GRID2: variants seen among roughly 807,000 people sequenced by gnomAD.
GRID2 encodes the protein glutamate ionotropic receptor delta type subunit 2.
Under a neutral mutation model 114.8 loss-of-function variants are expected in GRID2, and 33 were observed. The ratio of observed to expected loss-of-function variants is 0.29; its 90% CI spans 0.22 to 0.38. The LOEUF is 0.38. GRID2 is among the 10% of genes least tolerant of loss of function. The pLI, the probability that GRID2 is intolerant of heterozygous loss-of-function variation, is 1.00. For missense variants in GRID2, 1,184 were observed against 1,257.7 expected (o/e 0.94, Z 0.89); for synonymous variants, 505 against 449.9 (o/e 1.12, Z -1.55).
intron 8 of GRID2, among the ~76,000 whole-genome samples, chr4:93,254,988 A>T (rs1749404288): frequency 6.6e-6 from 1 of 152,152 alleles, no homozygotes; most frequent in South Asian, 2.1e-4. Context: ...CAAACAAAGA[A>T]ATTCAGGCCT....
At chr4:93,161,669 A>T (rs1013407719) in intron 4 of GRID2, among the ~76,000 whole-genome samples, 2 of 151,848 alleles carry the variant, frequency 1.3e-5, no homozygotes, top group African/African-American at 4.8e-5. Flanking sequence ...TAAAAAAAAT[A>T]ACAATTTTAA....
intron 2 of GRID2, among the ~76,000 whole-genome samples, chr4:92,922,715 C>T (rs2149508812): frequency 6.6e-6 from 1 of 152,174 alleles, no homozygotes; most frequent in South Asian, 2.1e-4. Context: ...TGAAATACTG[C>T]AAATCAATGA....
chr4:92,734,275 A>G (rs181318882), intron 2 of GRID2, among the ~76,000 whole-genome samples: 1 of 151,170 alleles, frequency 6.6e-6, no homozygotes, highest in Non-Finnish European at 1.5e-5. Flanking sequence ...TTTTCTTTTT[A>G]TTTTCTTTGC....
chr4:93,188,513 G>A (rs1740653470), intron 4 of GRID2, among the ~76,000 whole-genome samples: 1 of 152,098 alleles, frequency 6.6e-6, no homozygotes, highest in Non-Finnish European at 1.5e-5. Context: ...TGCATTTGTG[G>A]AGTTCTTCTG....
chr4:92,714,148 A>T (rs1438707844), intron 2 of GRID2, among the ~76,000 whole-genome samples: 1 of 152,172 alleles, frequency 6.6e-6, no homozygotes, highest in African/African-American at 2.4e-5. Context: ...AGCCATTTGA[A>T]ATGGGAGAAA....
intron 7 of GRID2, among the ~76,000 whole-genome samples, chr4:93,235,762 C>A (rs926894746): frequency 3.9e-5 from 6 of 151,910 alleles, no homozygotes; most frequent in Non-Finnish European, 8.8e-5. Flanking sequence ...TGCAAGTCCC[C>A]CAATTTATTG....
At chr4:92,446,734 C>CGG (rs1435236869) in intron 1 of GRID2, among the ~76,000 whole-genome samples, 1 of 152,234 alleles carries the variant, frequency 6.6e-6, no homozygotes, top group Non-Finnish European at 1.5e-5. Context: ...AGAGTTACTT[C>CGG]TAAGTCTACA....
chr4:92,805,121 T>A (rs1740348538), intron 2 of GRID2, among the ~76,000 whole-genome samples: 1 of 151,976 alleles, frequency 6.6e-6, no homozygotes, highest in Admixed American at 6.6e-5. Flanking sequence ...ATGATGAAAC[T>A]AAGAAACAGA....
chr4:93,703,646 TC>T (rs1727719555), intron 14 of GRID2, among the ~76,000 whole-genome samples: 1 of 63,454 alleles, frequency 1.6e-5, no homozygotes. Flanking sequence ...CCCTCCCCCC[TC>T]CCCCCACCCC....
chr4:92,953,019 A>C (rs80147664), intron 2 of GRID2, among the ~76,000 whole-genome samples: 1 of 152,090 alleles, frequency 6.6e-6, no homozygotes, highest in Non-Finnish European at 1.5e-5. Context: ...CATTACTCCA[A>C]TCTCTGCCAC....
At chr4:92,336,537 C>G (rs1339362028) in intron 1 of GRID2, among the ~76,000 whole-genome samples, 1 of 152,152 alleles carries the variant, frequency 6.6e-6, no homozygotes, top group African/African-American at 2.4e-5. Flanking sequence ...CTGCAGTAAC[C>G]TCAAAACTTG....
intron 2 of GRID2, among the ~76,000 whole-genome samples, chr4:92,617,285 G>T (rs1030331060): frequency 1.3e-5 from 2 of 151,130 alleles, no homozygotes; most frequent in African/African-American, 2.4e-5. Context: ...GTATACATAT[G>T]CCATGGTGGT....
chr4:93,185,993 G>A (rs540453503), intron 4 of GRID2, among the ~76,000 whole-genome samples: 142 of 152,090 alleles, frequency 9.3e-4, no homozygotes, highest in Non-Finnish European at 1.8e-3. Flanking sequence ...GAGAACATGC[G>A]GTGTTTGGTT....
intron 12 of GRID2, among the ~76,000 whole-genome samples, chr4:93,500,978 T>TTCCTATTACTTCC (rs1466455966): frequency 1.3e-5 from 2 of 152,024 alleles, no homozygotes; most frequent in Non-Finnish European, 2.9e-5. Flanking sequence ...ACTATTCTAC[T>TTCCTATTACTTCC]TGTTTTACTT....
chr4:93,668,616 A>G (rs1724143216), intron 14 of GRID2, among the ~76,000 whole-genome samples: 1 of 152,076 alleles, frequency 6.6e-6, no homozygotes, highest in Non-Finnish European at 1.5e-5. Context: ...AGATATAAAC[A>G]AGTAATTACA....
At chr4:92,762,024 ATTC>A (rs1738034959) in intron 2 of GRID2, among the ~76,000 whole-genome samples, 1 of 152,008 alleles carries the variant, frequency 6.6e-6, no homozygotes, top group South Asian at 2.1e-4. Flanking sequence ...CAACTCCCTG[ATTC>A]AAGTGATTCT....
intron 8 of GRID2, among the ~76,000 whole-genome samples, chr4:93,385,843 A>C (rs957792902): frequency 6.6e-6 from 1 of 152,142 alleles, no homozygotes; most frequent in African/African-American, 2.4e-5. Flanking sequence ...AACTGATTTT[A>C]CTGAAAATAA....
At chr4:93,686,492 T>C (rs1446276576) in intron 14 of GRID2, among the ~76,000 whole-genome samples, 1 of 147,848 alleles carries the variant, frequency 6.8e-6, no homozygotes. Context: ...AACAGACGAA[T>C]AGAAAAAAAA....
At chr4:93,781,023 A>G (rs1200575527) in intron 1 of GRID2, among the ~76,000 whole-genome samples, 1 of 152,242 alleles carries the variant, frequency 6.6e-6, no homozygotes, top group Admixed American at 6.5e-5. Flanking sequence ...TAGAGTGTAA[A>G]AGAGAAAACA....
Sources: allele counts gnomAD v4.1 joint callset (sites outside exome capture counted in the v4.1 genomes callset), GRCh38; gene constraint gnomAD v4.1.1; transcripts MANE v1.5; gene names NCBI Gene and HGNC (gene_info 2026-07-23, HGNC 2026-07-21).